The following RMST variants were observed in gnomAD, a reference collection of about 807,000 sequenced individuals.
RMST encodes the protein rhabdomyosarcoma 2 associated transcript, also known as long intergenic non-protein coding RNA 54.
intron 11 of RMST, among the ~76,000 whole-genome samples, chr12:97,554,941 G>C (rs1178713495): frequency 1.3e-5 from 2 of 152,262 alleles, no homozygotes; most frequent in East Asian, 3.9e-4. Flanking sequence ...CAGGCAGCTG[G>C]GTCTCAGGGC....
At chr12:97,475,823 TA>T (rs1874493134) in intron 5 of RMST, among the ~76,000 whole-genome samples, 1 of 152,172 alleles carries the variant, frequency 6.6e-6, no homozygotes, top group African/African-American at 2.4e-5. Context: ...ATATACATAA[TA>T]AATATGTTTC....
At chr12:97,554,648 A>G (rs1045329989) in intron 11 of RMST, among the ~76,000 whole-genome samples, 3 of 152,138 alleles carry the variant, frequency 2.0e-5, no homozygotes, top group East Asian at 3.9e-4. Context: ...TAAAAAGTCA[A>G]TTAAAAGCTA....
exon 8 of RMST, chr12:97,493,925 C>T (rs1877132392): frequency 6.6e-6 from 1 of 152,124 alleles, no homozygotes; most frequent in Non-Finnish European, 1.5e-5. Flanking sequence ...AATATAAATC[C>T]CATGGGAAGT....
At chr12:97,559,620 G>A (rs147883953) in intron 11 of RMST, among the ~76,000 whole-genome samples, 1 of 152,182 alleles carries the variant, frequency 6.6e-6, no homozygotes, top group African/African-American at 2.4e-5. Flanking sequence ...CCAGTTTCTA[G>A]ACTGCCTTTA....
At chr12:97,511,459 A>C (rs558847105) in intron 10 of RMST, among the ~76,000 whole-genome samples, 2 of 152,328 alleles carry the variant, frequency 1.3e-5, no homozygotes, top group Non-Finnish European at 2.9e-5. Flanking sequence ...GAGCAAATAC[A>C]AATTACCCTA....
chr12:97,555,250 C>T (rs1883617072), intron 11 of RMST, among the ~76,000 whole-genome samples: 1 of 152,098 alleles, frequency 6.6e-6, no homozygotes, highest in Non-Finnish European at 1.5e-5. Context: ...GACAATACAG[C>T]CTTTATTGAA....
chr12:97,536,581 A>T (rs1882095124), intron 11 of RMST, among the ~76,000 whole-genome samples: 1 of 151,502 alleles, frequency 6.6e-6, no homozygotes. Context: ...GTAGAGAGTG[A>T]GGAAGTGTTT....
At chr12:97,464,523 A>G (rs1208872356) in intron 4 of RMST, among the ~76,000 whole-genome samples, 1 of 152,192 alleles carries the variant, frequency 6.6e-6, no homozygotes, top group African/African-American at 2.4e-5. Flanking sequence ...AGCAGGGATG[A>G]ATGTTATTTA....
intron 10 of RMST, among the ~76,000 whole-genome samples, chr12:97,524,619 A>C (rs972952715): frequency 6.6e-6 from 1 of 152,184 alleles, no homozygotes; most frequent in Non-Finnish European, 1.5e-5. Context: ...CCTGAGTTTT[A>C]TGCTCTTTTA....
intron 10 of RMST, among the ~76,000 whole-genome samples, chr12:97,514,772 AC>A (rs2136530327): frequency 6.6e-6 from 1 of 152,224 alleles, no homozygotes; most frequent in Admixed American, 6.5e-5. Flanking sequence ...TAGTGAGACA[AC>A]CTTGGGACTT....
chr12:97,504,882 T>A (rs926832207), intron 10 of RMST, among the ~76,000 whole-genome samples: 1 of 152,100 alleles, frequency 6.6e-6, no homozygotes, highest in South Asian at 2.1e-4. Context: ...TTTGGACACA[T>A]AGAAAATGAC....
intron 5 of RMST, among the ~76,000 whole-genome samples, chr12:97,482,759 A>G (rs922758199): frequency 1.2e-4 from 5 of 40,232 alleles, no homozygotes; most frequent in Middle Eastern, 0.037. Flanking sequence ...TATTAAATAA[A>G]TTTATATTAT....
At chr12:97,482,479 C>T (rs1232609976) in intron 5 of RMST, among the ~76,000 whole-genome samples, 8 of 151,422 alleles carry the variant, frequency 5.3e-5, no homozygotes, top group Non-Finnish European at 1.2e-4. Context: ...TTTTGATTTT[C>T]GACATCATGG....
At chr12:97,551,341 T>C (rs959309568) in intron 11 of RMST, among the ~76,000 whole-genome samples, 2 of 152,158 alleles carry the variant, frequency 1.3e-5, no homozygotes, top group Non-Finnish European at 2.9e-5. Context: ...TCCATCTGTC[T>C]ACCTGGTAGT....
chr12:97,480,249 C>T (rs1009538374), intron 5 of RMST, among the ~76,000 whole-genome samples: 6 of 151,988 alleles, frequency 3.9e-5, no homozygotes, highest in Non-Finnish European at 7.4e-5. Flanking sequence ...ACCACCACGC[C>T]TGGCTAATTT....
intron 11 of RMST, among the ~76,000 whole-genome samples, chr12:97,542,339 A>G (rs145021187): frequency 2.4e-4 from 37 of 152,016 alleles, no homozygotes; most frequent in Admixed American, 2.1e-3. Flanking sequence ...GGGGAGTGAA[A>G]TAAACACACC....
At chr12:97,468,569 G>T (rs376822062) in intron 5 of RMST, among the ~76,000 whole-genome samples, 3 of 151,958 alleles carry the variant, frequency 2.0e-5, no homozygotes, top group Non-Finnish European at 4.4e-5. Flanking sequence ...TGACAATTGA[G>T]TTCATAGTTC....
At chr12:97,492,427 G>GTT in intron 5 of RMST, 3 of 151,588 alleles carry the variant, frequency 2.0e-5, no homozygotes, top group Admixed American at 1.9e-4. Context: ...TTTGCTTGTT[G>GTT]TTTTTTTTTT....
At chr12:97,528,947 A>T (rs1881381760) in intron 10 of RMST, among the ~76,000 whole-genome samples, 2 of 151,718 alleles carry the variant, frequency 1.3e-5, no homozygotes, top group Non-Finnish European at 2.9e-5. Flanking sequence ...GCCACAACAC[A>T]CTCTTGTCCT....
Sources: allele counts gnomAD v4.1 joint callset (sites outside exome capture counted in the v4.1 genomes callset), GRCh38; gene constraint gnomAD v4.1.1; transcripts MANE v1.5; gene names NCBI Gene and HGNC (gene_info 2026-07-23, HGNC 2026-07-21).